Variants in DCDC1 observed in about 807,000 individuals in gnomAD.
The protein encoded by DCDC1 is doublecortin domain-containing protein 1.
In DCDC1, 200 loss-of-function variants were observed where a neutral mutation model predicts 178.3. The observed-to-expected ratio is 1.12, with a 90% CI of 1.00 to 1.26. DCDC1 has a LOEUF of 1.26. DCDC1 is among the 50% of genes most tolerant of loss of function. DCDC1 has a pLI of 0.00. For synonymous variants in DCDC1, 690 were observed against 604.8 expected (o/e 1.14, Z -2.07); for missense variants, 1,983 against 1,749.2 (o/e 1.13, Z -2.38).
intron 20 of DCDC1, among the ~76,000 whole-genome samples, chr11:31,049,529 T>C (rs985717454): frequency 1.3e-5 from 2 of 152,162 alleles, no homozygotes; most frequent in Non-Finnish European, 2.9e-5. Flanking sequence ...AGATTGCAGC[T>C]CTGGACAGAG....
chr11:31,018,752 G>A (rs1273987822), intron 20 of DCDC1, among the ~76,000 whole-genome samples: 1 of 152,166 alleles, frequency 6.6e-6, no homozygotes, highest in Non-Finnish European at 1.5e-5. Flanking sequence ...GAGATATTTA[G>A]TATAATGTTG....
intron 20 of DCDC1, among the ~76,000 whole-genome samples, chr11:30,976,252 CA>C (rs1359156235): frequency 6.6e-6 from 1 of 151,838 alleles, no homozygotes; most frequent in Non-Finnish European, 1.5e-5. Flanking sequence ...AAACAAAAAG[CA>C]CTTCAAAACT....
chr11:31,012,494 T>C (rs1210568230), intron 20 of DCDC1, among the ~76,000 whole-genome samples: 2 of 151,780 alleles, frequency 1.3e-5, no homozygotes, highest in Non-Finnish European at 2.9e-5. Context: ...TAGTTCCAGC[T>C]ACTCTGGAGG....
At chr11:30,965,765 C>T (rs1278819876) in intron 20 of DCDC1, among the ~76,000 whole-genome samples, 3 of 134,450 alleles carry the variant, frequency 2.2e-5, no homozygotes, top group Admixed American at 7.7e-5. Context: ...CCCGACCCCA[C>T]CACAGTCCCC....
intron 9 of DCDC1, chr11:31,156,173 G>A (rs1234190209): frequency 6.6e-6 from 1 of 152,102 alleles, no homozygotes; most frequent in Non-Finnish European, 1.5e-5. Flanking sequence ...TTCATGTTGT[G>A]TTTTACAAAA....
chr11:30,876,675 C>T (rs1169715521), intron 38 of DCDC1, among the ~76,000 whole-genome samples: 2 of 152,136 alleles, frequency 1.3e-5, no homozygotes, highest in African/African-American at 4.8e-5. Context: ...GATGACTTCA[C>T]AAGAATTTGC....
chr11:31,123,282 T>C (rs947897716), intron 11 of DCDC1, among the ~76,000 whole-genome samples: 1 of 152,154 alleles, frequency 6.6e-6, no homozygotes, highest in Non-Finnish European at 1.5e-5. Context: ...CACACTATTA[T>C]ATAGTGTTTA....
intron 1 of DCDC1, among the ~76,000 whole-genome samples, chr11:31,352,030 C>G (rs1401398200): frequency 2.6e-5 from 4 of 152,098 alleles, no homozygotes; most frequent in Non-Finnish European, 4.4e-5. Flanking sequence ...AAAAGTTGCT[C>G]AACTATTATT....
At chr11:31,057,256 G>C (rs949390414) in intron 20 of DCDC1, among the ~76,000 whole-genome samples, 6 of 114,196 alleles carry the variant, frequency 5.3e-5, no homozygotes, top group Admixed American at 2.1e-4. Context: ...AGAAAGGAAG[G>C]AAGGAAGGAA....
intron 9 of DCDC1, among the ~76,000 whole-genome samples, chr11:31,203,146 T>C (rs998331044): frequency 7.2e-5 from 11 of 151,990 alleles, no homozygotes; most frequent in Admixed American, 2.0e-4. Context: ...TAAAATGTCA[T>C]GAAAGACAGC....
At chr11:31,014,765 AC>A (rs1465064775) in intron 20 of DCDC1, among the ~76,000 whole-genome samples, 1 of 152,084 alleles carries the variant, frequency 6.6e-6, no homozygotes, top group Non-Finnish European at 1.5e-5. Flanking sequence ...TAAGGCGTCC[AC>A]TCAGTGGTAT....
chr11:30,906,736 A>C lies in DCDC1; in HGVS notation c.3919-11T>G, dbSNP rs1373663932. 1 of 1,609,006 alleles carries C rather than the reference A, an allele frequency of 6.2e-7. No homozygotes were observed. On this transcript the variant is annotated splice_polypyrimidine_tract_variant and intron_variant, in intron 29 of 38. Transcript: ENST00000684477. ...GAGATAACAGTATCCCTAAAATGGG[A>C]GACAAAGATGGCTTTATATAGGAGC...
chr11:30,931,680 G>C, intron 22 of DCDC1, 91 bp downstream of exon 22: 2 of 1,322,444 alleles, frequency 1.5e-6, no homozygotes, highest in Middle Eastern at 3.8e-4. Flanking sequence ...AATAAATACA[G>C]AATTCCCACA....
chr11:30,920,992 G>T, intron 24 of DCDC1, 57 bp from the exon 25 acceptor site: 1 of 1,521,538 alleles, frequency 6.6e-7, no homozygotes, highest in Non-Finnish European at 8.9e-7. Flanking sequence ...AGAGCATCAG[G>T]AATTTAAAAA....
intron 6 of DCDC1, among the ~76,000 whole-genome samples, chr11:31,292,090 A>G (rs561767752): frequency 6.6e-6 from 1 of 152,266 alleles, no homozygotes; most frequent in South Asian, 2.1e-4. Context: ...GCAGATAGAT[A>G]AACAAAACTT....
In DCDC1 at chr11:30,894,313, C is replaced by T. The variant is rs545158980; in HGVS notation, c.4837G>A (p.Glu1613Lys). 1.8e-5 allele frequency: 29 copies of T among 1,613,918 alleles called. No individual in the cohort carries two copies. In the East Asian group the frequency reaches 6.5e-4, roughly 36 times the overall value. The change falls in exon 35 of 39, where the codon GAA becomes AAA. Residue 1613 changes from glutamate to lysine, a missense_variant. Glu to Lys is a moderately conservative substitution (Grantham distance 56, BLOSUM62 1). Coordinates refer to ENST00000684477, the MANE Select transcript of DCDC1 (RefSeq NM_001387274.1). ...TGAGTCTGTTCGGTCCAGCCTCCTT[C>T]AACCACCACGGGCTGCACAGGGCTC... is the stretch of plus-strand genomic sequence containing the variant. ...TKSPVQPVVV[E>K]GGWTEQTQQE...
chr11:30,920,695 T>C (rs1272699660), intron 25 of DCDC1, 81 bp downstream of exon 25: 2 of 1,519,086 alleles, frequency 1.3e-6, no homozygotes, highest in African/African-American at 1.4e-5. Context: ...GCTCCCTGCA[T>C]GGGCTCTGTG....
intron 28 of DCDC1, among the ~76,000 whole-genome samples, chr11:30,910,948 G>T (rs1030665889): frequency 2.0e-5 from 3 of 152,136 alleles, no homozygotes; most frequent in Admixed American, 2.0e-4. Context: ...TTATAAACGG[G>T]AGCCTTGCAT....
intron 20 of DCDC1, among the ~76,000 whole-genome samples, chr11:31,021,611 G>A (rs1256331503): frequency 6.6e-6 from 1 of 152,058 alleles, no homozygotes; most frequent in African/African-American, 2.4e-5. Flanking sequence ...GGTGGAAGTG[G>A]GAATGACCTG....
Sources: allele counts gnomAD v4.1 joint callset (sites outside exome capture counted in the v4.1 genomes callset), GRCh38; gene constraint gnomAD v4.1.1; transcripts MANE v1.5; gene names NCBI Gene and HGNC (gene_info 2026-07-23, HGNC 2026-07-21).